Variants in DLG2 observed in about 807,000 individuals in gnomAD.
The protein encoded by DLG2 is discs large MAGUK scaffold protein 2.
Under a neutral mutation model 132.5 loss-of-function variants are expected in DLG2, and 45 were observed. That is an observed-to-expected ratio of 0.34 (90% CI 0.27 to 0.44). The LOEUF is 0.44. Ranked by LOEUF, DLG2 falls within the 20% of genes least tolerant of loss-of-function variation. The probability of loss-of-function intolerance (pLI) is 1.00; values close to 1 mark genes in which losing one functional copy is unlikely to be tolerated. For missense variants in DLG2, 1,045 were observed against 1,196.9 expected, an observed-to-expected ratio of 0.87 and a Z score of 1.87; for synonymous variants, 424 against 419.6, an observed-to-expected ratio of 1.01 and a Z score of -0.13.
intron 3 of DLG2, among the ~76,000 whole-genome samples, chr11:85,325,216 G>A (rs2081374035): frequency 6.6e-6 from 1 of 151,646 alleles, no homozygotes; most frequent in African/African-American, 2.4e-5. Flanking sequence ...CCATTGCCCA[G>A]GCTTGCTTAG....
At chr11:84,293,234 C>T (rs1320694122) in intron 7 of DLG2, among the ~76,000 whole-genome samples, 1 of 151,884 alleles carries the variant, frequency 6.6e-6, no homozygotes. Flanking sequence ...AGGCAAAAAG[C>T]CAGTTAAAAG....
chr11:83,596,569 G>A (rs945401455), intron 19 of DLG2, among the ~76,000 whole-genome samples: 2 of 151,972 alleles, frequency 1.3e-5, no homozygotes, highest in African/African-American at 4.8e-5. Flanking sequence ...ATCGCCATTG[G>A]GATAATTTCT....
At chr11:84,149,860 T>G (rs1344917655) in intron 9 of DLG2, among the ~76,000 whole-genome samples, 1 of 151,996 alleles carries the variant, frequency 6.6e-6, no homozygotes, top group Non-Finnish European at 1.5e-5. Flanking sequence ...CGGGTTCAAG[T>G]GATTCTTCTG....
chr11:83,873,149 T>A (rs1185981848), intron 16 of DLG2, among the ~76,000 whole-genome samples: 2 of 152,056 alleles, frequency 1.3e-5, no homozygotes, highest in African/African-American at 4.8e-5. Context: ...CACAGTGGAG[T>A]CAAGCTTGAT....
At chr11:84,094,423 C>G (rs976724678) in intron 10 of DLG2, among the ~76,000 whole-genome samples, 1 of 152,050 alleles carries the variant, frequency 6.6e-6, no homozygotes, top group Non-Finnish European at 1.5e-5. Context: ...TGGAGCAAAC[C>G]CATCACCTTA....
chr11:84,575,513 T>C (rs1484517784), intron 6 of DLG2, among the ~76,000 whole-genome samples: 1 of 152,192 alleles, frequency 6.6e-6, no homozygotes, highest in Non-Finnish European at 1.5e-5. Context: ...AAAGTTCCCT[T>C]GTAGCACTTT....
intron 9 of DLG2, among the ~76,000 whole-genome samples, chr11:84,113,800 T>C (rs1372128870): frequency 6.6e-6 from 1 of 152,172 alleles, no homozygotes; most frequent in Non-Finnish European, 1.5e-5. Context: ...AATTTTAATG[T>C]AATGGTAATA....
At chr11:85,154,678 ACTC>A (rs768351354) in intron 4 of DLG2, 27 bp from the exon 5 acceptor site, 1 of 1,115,670 alleles carries the variant, frequency 9.0e-7, no homozygotes, top group South Asian at 1.4e-5. Context: ...AAAAATCAAT[ACTC>A]CTTTTTTATT....
intron 6 of DLG2, among the ~76,000 whole-genome samples, chr11:84,555,617 T>G (rs1045092621): frequency 6.6e-6 from 1 of 152,184 alleles, no homozygotes; most frequent in Non-Finnish European, 1.5e-5. Context: ...AGTGGTGATA[T>G]TCACAGAAAC....
intron 6 of DLG2, among the ~76,000 whole-genome samples, chr11:84,634,105 T>C: frequency 6.6e-6 from 1 of 152,276 alleles, no homozygotes; most frequent in East Asian, 1.9e-4. Context: ...CATTAAAACA[T>C]ATGTGAAGAG....
At chr11:84,493,389 T>G (rs1603216887) in intron 7 of DLG2, among the ~76,000 whole-genome samples, 1 of 152,022 alleles carries the variant, frequency 6.6e-6, no homozygotes, top group African/African-American at 2.4e-5. Context: ...TTGTAATTGG[T>G]GTGTTTGGCA....
intron 6 of DLG2, among the ~76,000 whole-genome samples, chr11:84,980,293 T>C (rs1237777852): frequency 6.6e-6 from 1 of 152,112 alleles, no homozygotes; most frequent in Non-Finnish European, 1.5e-5. Flanking sequence ...AAAATAAGTC[T>C]CTATCACCTA....
intron 6 of DLG2, among the ~76,000 whole-genome samples, chr11:84,807,648 T>C (rs1355343577): frequency 6.6e-6 from 1 of 151,942 alleles, no homozygotes; most frequent in East Asian, 1.9e-4. Flanking sequence ...AGGTTGAAAG[T>C]GAAAAATAGG....
chr11:84,749,341 G>A (rs2065804026), intron 6 of DLG2, among the ~76,000 whole-genome samples: 1 of 152,078 alleles, frequency 6.6e-6, no homozygotes, highest in Non-Finnish European at 1.5e-5. Flanking sequence ...AACCTCTATA[G>A]CCACCCCTGG....
intron 8 of DLG2, among the ~76,000 whole-genome samples, chr11:84,187,577 A>G (rs1334356596): frequency 1.3e-5 from 2 of 152,088 alleles, no homozygotes; most frequent in African/African-American, 4.8e-5. Flanking sequence ...TTCATTTTAC[A>G]CACAAGAACC....
At chr11:84,340,613 T>C (rs770133678) in intron 7 of DLG2, among the ~76,000 whole-genome samples, 6 of 152,076 alleles carry the variant, frequency 3.9e-5, no homozygotes, top group Non-Finnish European at 8.8e-5. Context: ...AGATCTCGAG[T>C]AATATCTCAA....
intron 3 of DLG2, among the ~76,000 whole-genome samples, chr11:85,498,856 A>C (rs1400717550): frequency 6.6e-6 from 1 of 152,180 alleles, no homozygotes; most frequent in Non-Finnish European, 1.5e-5. Flanking sequence ...TGGGTAAATA[A>C]TGAAATTAAG....
intron 4 of DLG2, among the ~76,000 whole-genome samples, chr11:85,204,402 A>G (rs76755222): frequency 0.016 from 2,370 of 152,246 alleles, 56 homozygotes; most frequent in African/African-American, 0.052. Flanking sequence ...AATCAATCTG[A>G]AAAAGAAACC....
chr11:83,936,116 A>G (rs1024978508), intron 14 of DLG2, among the ~76,000 whole-genome samples: 2 of 152,180 alleles, frequency 1.3e-5, no homozygotes, highest in African/African-American at 4.8e-5. Context: ...TACAAATAAT[A>G]TTCTTCACCC....
Sources: gnomAD v4.1 joint callset for allele counts (sites outside exome capture counted in the v4.1 genomes callset) on GRCh38, gnomAD v4.1.1 for gene constraint, MANE v1.5 for transcripts, NCBI Gene and HGNC (gene_info 2026-07-23, HGNC 2026-07-21) for gene names.